Variants in IL1RAPL2 observed in about 807,000 individuals in gnomAD.
IL1RAPL2 encodes the protein interleukin 1 receptor accessory protein like 2.
IL1RAPL2 carries 3 observed loss-of-function variants against 44.1 expected under a neutral mutation model. The ratio of observed to expected loss-of-function variants is 0.07; its 90% CI spans 0.03 to 0.18. The LOEUF is 0.18. Among genes scored for constraint, IL1RAPL2 ranks in the 10% least tolerant of loss-of-function variants. The probability of loss-of-function intolerance (pLI) is 1.00; values close to 1 mark genes in which losing one functional copy is unlikely to be tolerated. For synonymous variants in IL1RAPL2, 181 were observed against 178.8 expected (o/e 1.01, Z -0.10); for missense variants, 391 against 496.4 (o/e 0.79, Z 2.02).
rs183845829 is a variant in IL1RAPL2, at chrX:104,918,014, G to T, written c.82+259019G>T. 9.2e-3 allele frequency among the ~76,000 whole-genome samples: 998 copies of T among 108,906 alleles called. 7 individuals carry two copies. The highest frequency in any genetic ancestry group is 0.033 in the African/African-American group (939 of 28,340). The allele number at this position is 108,906 out of a possible 115,157, so 94.6% of individuals were successfully genotyped here. ...TGCCCTAGGTAATAATACCAGAGAA[G>T]ATTTTAGGACTCCAAAAAAAATTTA... On this transcript the variant is annotated intron_variant, in intron 2 of 10. Coordinates refer to ENST00000372582, the MANE Select transcript of IL1RAPL2 (RefSeq NM_017416.2).
intron 2 of IL1RAPL2, among the ~76,000 whole-genome samples, chrX:105,078,369 C>T (rs887565145): frequency 1.8e-5 from 2 of 111,383 alleles, no homozygotes; most frequent in Admixed American, 9.6e-5. Flanking sequence ...ACTGCAAATG[C>T]TGCTGCCTGA....
At chrX:105,166,272 C>G (rs1326226029) in intron 2 of IL1RAPL2, among the ~76,000 whole-genome samples, 1 of 111,285 alleles carries the variant, frequency 9.0e-6, no homozygotes, top group Non-Finnish European at 1.9e-5. Context: ...GACAGTGTAG[C>G]CCCAGGGCCT....
intron 3 of IL1RAPL2, among the ~76,000 whole-genome samples, chrX:105,226,776 G>C (rs1357099688): frequency 9.2e-6 from 1 of 109,033 alleles, no homozygotes; most frequent in East Asian, 2.9e-4. Context: ...CTCATTCCAC[G>C]CATACCAAAA....
chrX:104,916,591 C>A (rs879230885), intron 2 of IL1RAPL2, among the ~76,000 whole-genome samples: 3 of 111,197 alleles, frequency 2.7e-5, no homozygotes, highest in Non-Finnish European at 3.8e-5. Flanking sequence ...CCTGGCCAGA[C>A]CTTCCAACAC....
intron 6 of IL1RAPL2, among the ~76,000 whole-genome samples, chrX:105,696,532 C>A (rs1377957373): frequency 2.7e-5 from 3 of 111,223 alleles, no homozygotes; most frequent in African/African-American, 9.8e-5. Flanking sequence ...ATATAGGACA[C>A]CACATCCACC....
intron 6 of IL1RAPL2, among the ~76,000 whole-genome samples, chrX:105,493,800 T>TA (rs2036337734): frequency 8.9e-6 from 1 of 111,932 alleles, no homozygotes. Flanking sequence ...ATATGGAAGT[T>TA]AAAGGGGTGT....
chrX:104,937,146 G>A (rs1028108892), intron 2 of IL1RAPL2, among the ~76,000 whole-genome samples: 1 of 112,240 alleles, frequency 8.9e-6, no homozygotes, highest in African/African-American at 3.2e-5. Flanking sequence ...TTGCTCATAT[G>A]TCTTGACTCA....
At chrX:105,272,440 A>G (rs188419779) in intron 5 of IL1RAPL2, among the ~76,000 whole-genome samples, 6 of 112,061 alleles carry the variant, frequency 5.4e-5, no homozygotes, top group Non-Finnish European at 7.5e-5. Context: ...CTTTTTAGAC[A>G]TGAGCATTAG....
intron 2 of IL1RAPL2, among the ~76,000 whole-genome samples, chrX:104,995,544 A>G (rs1471064917): frequency 8.9e-6 from 1 of 111,995 alleles, no homozygotes. Flanking sequence ...AAAGCAGGCA[A>G]TGATCAAGAA....
intron 2 of IL1RAPL2, among the ~76,000 whole-genome samples, chrX:104,680,987 A>C (rs1159393553): frequency 8.9e-6 from 1 of 112,299 alleles, no homozygotes; most frequent in African/African-American, 3.2e-5. Flanking sequence ...ACACTGGGAC[A>C]GTTCTTATCT....
chrX:105,304,660 A>G (rs910185242), intron 5 of IL1RAPL2, among the ~76,000 whole-genome samples: 2 of 111,678 alleles, frequency 1.8e-5, no homozygotes, highest in Non-Finnish European at 3.8e-5. Context: ...AGTGGGCCAG[A>G]AGGCAGCCTG....
At chrX:105,724,532 T>A (rs1211168775) in intron 7 of IL1RAPL2, among the ~76,000 whole-genome samples, 4 of 111,003 alleles carry the variant, frequency 3.6e-5, no homozygotes, top group African/African-American at 1.3e-4. Context: ...GCTAAGAGAC[T>A]AAGCCACAAG....
intron 2 of IL1RAPL2, among the ~76,000 whole-genome samples, chrX:104,931,064 C>A (rs1026160557): frequency 3.6e-5 from 4 of 110,815 alleles, no homozygotes; most frequent in Non-Finnish European, 7.5e-5. Flanking sequence ...CTTGCAGGAC[C>A]TATTAGCTGG....
intron 2 of IL1RAPL2, among the ~76,000 whole-genome samples, chrX:105,125,404 T>C (rs947184295): frequency 9.0e-6 from 1 of 110,889 alleles, no homozygotes; most frequent in African/African-American, 3.3e-5. Flanking sequence ...CATCCATTTT[T>C]CCCAAAGTCA....
intron 5 of IL1RAPL2, among the ~76,000 whole-genome samples, chrX:105,391,160 T>A (rs1047812738): frequency 2.7e-5 from 3 of 111,660 alleles, no homozygotes; most frequent in African/African-American, 9.8e-5. Context: ...GCTTCACTTA[T>A]TTATGAGACT....
chrX:105,387,231 C>T (rs2035482996), intron 5 of IL1RAPL2, among the ~76,000 whole-genome samples: 1 of 101,970 alleles, frequency 9.8e-6, no homozygotes. Flanking sequence ...TCCCTATGTG[C>T]ATTTTCTTTT....
chrX:104,827,218 T>C (rs964217626), intron 2 of IL1RAPL2, among the ~76,000 whole-genome samples: 3 of 110,693 alleles, frequency 2.7e-5, no homozygotes, highest in Non-Finnish European at 5.7e-5. Flanking sequence ...TTCTTCATAG[T>C]ACTGATGGTC....
intron 6 of IL1RAPL2, among the ~76,000 whole-genome samples, chrX:105,512,433 C>T (rs917406903): frequency 2.7e-5 from 3 of 111,541 alleles, no homozygotes; most frequent in Admixed American, 9.6e-5. Context: ...TTATTTGCCT[C>T]ATAAAATCCC....
intron 5 of IL1RAPL2, among the ~76,000 whole-genome samples, chrX:105,308,736 A>G (rs1401689990): frequency 8.9e-6 from 1 of 112,442 alleles, no homozygotes; most frequent in African/African-American, 3.2e-5. Context: ...TTATGAGTAA[A>G]GCTGCTATAA....
Sources: allele counts gnomAD v4.1 joint callset (sites outside exome capture counted in the v4.1 genomes callset), GRCh38; gene constraint gnomAD v4.1.1; transcripts MANE v1.5; gene names NCBI Gene and HGNC (gene_info 2026-07-23, HGNC 2026-07-21).